FANK1: variants seen among roughly 807,000 people sequenced by gnomAD.
FANK1 encodes the protein fibronectin type 3 and ankyrin repeat domains protein 1.
Under a neutral mutation model 45.3 loss-of-function variants are expected in FANK1, and 44 were observed. That is an observed-to-expected ratio of 0.97 (90% CI 0.76 to 1.25). The LOEUF (loss-of-function observed/expected upper bound fraction) is 1.25, where lower values mean the gene tolerates loss of function less well. FANK1 is among the 50% of genes most tolerant of loss of function. The pLI, the probability that FANK1 is intolerant of heterozygous loss-of-function variation, is 0.00. For synonymous variants in FANK1, 149 were observed against 152.5 expected (o/e 0.98, Z 0.17); for missense variants, 391 against 424.4 (o/e 0.92, Z 0.69).
chr10:126,003,141 T>G (rs1242820331), intron 6 of FANK1, among the ~76,000 whole-genome samples: 2 of 151,922 alleles, frequency 1.3e-5, no homozygotes, highest in Admixed American at 6.6e-5. Flanking sequence ...AGTGACTCTT[T>G]GAGGAGAGCA....
intron 1 of FANK1, among the ~76,000 whole-genome samples, chr10:125,956,204 G>T (rs914369165): frequency 4.8e-5 from 7 of 146,180 alleles, no homozygotes; most frequent in African/African-American, 1.5e-4. Context: ...ACATTTTTTG[G>T]GGGGGGGGCG....
intron 1 of FANK1, among the ~76,000 whole-genome samples, chr10:125,915,315 A>C (rs1196022418): frequency 6.6e-6 from 1 of 152,208 alleles, no homozygotes; most frequent in East Asian, 1.9e-4. Context: ...TGTTACAACC[A>C]GTTCAAAAGG....
chr10:125,974,058 T>C (rs1307536925), intron 1 of FANK1, among the ~76,000 whole-genome samples: 1 of 152,258 alleles, frequency 6.6e-6, no homozygotes, highest in East Asian at 1.9e-4. Context: ...TTTATTTAGA[T>C]ACTTTGTAAC....
At position 125,983,866 on chromosome 10, in the gene FANK1, C is replaced by T. The variant is rs1951381080; in HGVS notation, c.191+3528C>T. On this transcript the variant is annotated intron_variant, in intron 2 of 10. Transcript: ENST00000368693. This position sits in a 1 kb window ranked among gnomAD's most constrained non-coding sequence, Gnocchi z 4.3. Reference sequence around the variant, plus strand: ...ATCCGGCTTATGTTTTACGAGGATCCCTCTGGCTGCTGAGTTGGGAACAGG... The same window carrying T: ...ATCCGGCTTATGTTTTACGAGGATCTCTCTGGCTGCTGAGTTGGGAACAGG... Among the ~76,000 whole-genome samples, 2 of 152,100 alleles carry T rather than the reference C, an allele frequency of 1.3e-5. No homozygotes were observed. Among genetic ancestry groups the T allele is most frequent in the Admixed American group, 6.6e-5 (1 of 15,266 alleles).
At chr10:125,965,253 C>T (rs532227751) in intron 1 of FANK1, among the ~76,000 whole-genome samples, 36 of 152,316 alleles carry the variant, frequency 2.4e-4, no homozygotes, top group African/African-American at 7.7e-4. Flanking sequence ...GAGTAGGTTT[C>T]ACTGGCAATC....
chr10:125,956,214 GGT>G (rs1949570062), intron 1 of FANK1, among the ~76,000 whole-genome samples: 1 of 128,746 alleles, frequency 7.8e-6, no homozygotes, highest in Non-Finnish European at 1.7e-5. Flanking sequence ...GGGGGGGGGC[GGT>G]GGTGGGGGTA....
chr10:125,991,043 G>A (rs1442121536), intron 3 of FANK1, among the ~76,000 whole-genome samples: 3 of 152,204 alleles, frequency 2.0e-5, no homozygotes, highest in Non-Finnish European at 4.4e-5. Flanking sequence ...AATTATGGGA[G>A]CTACAATTCA....
chr10:125,971,919 G>A (rs533867597), intron 1 of FANK1, among the ~76,000 whole-genome samples: 20 of 152,114 alleles, frequency 1.3e-4, no homozygotes, highest in Non-Finnish European at 2.2e-4. Context: ...GAGCCACTGC[G>A]CCCGGCCGCT....
chr10:125,997,524 T>G, intron 6 of FANK1, 39 bp downstream of exon 6: 1 of 1,587,406 alleles, frequency 6.3e-7, no homozygotes, highest in Non-Finnish European at 8.6e-7. Flanking sequence ...GCTGATGTTC[T>G]CAGAATTGTG....
intron 1 of FANK1, among the ~76,000 whole-genome samples, chr10:125,908,757 AT>A: frequency 6.6e-6 from 1 of 152,320 alleles, no homozygotes; most frequent in Admixed American, 6.5e-5. Context: ...GAAATAAAAA[AT>A]AAATTTAAAA....
At chr10:125,917,240 A>G (rs1465448048) in intron 1 of FANK1, among the ~76,000 whole-genome samples, 1 of 152,228 alleles carries the variant, frequency 6.6e-6, no homozygotes, top group African/African-American at 2.4e-5. Context: ...TACTTGAATC[A>G]GCGGAAGAAG....
intron 1 of FANK1, among the ~76,000 whole-genome samples, chr10:125,923,472 A>T (rs72837778): frequency 0.42 from 62,162 of 148,916 alleles, 12,759 homozygotes; most frequent in South Asian, 0.47. Flanking sequence ...AAAAAAAAAA[A>T]TTTTTTTCAT....
chr10:125,966,799 T>G (rs1590081963), intron 1 of FANK1, among the ~76,000 whole-genome samples: 1 of 152,204 alleles, frequency 6.6e-6, no homozygotes, highest in East Asian at 1.9e-4. Flanking sequence ...TAGCTGAATC[T>G]TTTTTCCATA....
chr10:125,925,945 T>C (rs1161859497), intron 1 of FANK1, among the ~76,000 whole-genome samples: 1 of 152,220 alleles, frequency 6.6e-6, no homozygotes, highest in African/African-American at 2.4e-5. Context: ...GTTTCTTTTT[T>C]TCCTTTCTTG....
chr10:125,982,056 T>G (rs1040227194), intron 2 of FANK1, among the ~76,000 whole-genome samples: 9 of 152,276 alleles, frequency 5.9e-5, no homozygotes, highest in African/African-American at 2.2e-4. Flanking sequence ...TTCTGACTAC[T>G]CAAATGTTAT....
intron 1 of FANK1, among the ~76,000 whole-genome samples, chr10:125,929,989 C>T (rs1947641222): frequency 6.6e-6 from 1 of 152,168 alleles, no homozygotes; most frequent in African/African-American, 2.4e-5. Context: ...TTTCCTGCCT[C>T]AGTATCAAGT....
At chr10:125,964,555 G>A (rs951846079) in intron 1 of FANK1, among the ~76,000 whole-genome samples, 2 of 151,956 alleles carry the variant, frequency 1.3e-5, no homozygotes, top group African/African-American at 2.4e-5. Flanking sequence ...CCTTACCCTC[G>A]ATTTATTCAC....
At chr10:125,978,954 G>A (rs902324912) in intron 1 of FANK1, among the ~76,000 whole-genome samples, 1 of 152,230 alleles carries the variant, frequency 6.6e-6, no homozygotes, top group Non-Finnish European at 1.5e-5. Flanking sequence ...AGGCTCCAGG[G>A]TCTCCACGCG....
At chr10:125,955,303 C>A (rs563842121) in intron 1 of FANK1, among the ~76,000 whole-genome samples, 1 of 152,022 alleles carries the variant, frequency 6.6e-6, no homozygotes, top group South Asian at 2.1e-4. Flanking sequence ...TGGTCCCCCC[C>A]ATGTGACCAT....
Sources: allele counts gnomAD v4.1 joint callset (sites outside exome capture counted in the v4.1 genomes callset), GRCh38; gene constraint gnomAD v4.1.1; non-coding constraint Gnocchi (gnomAD v3.1); transcripts MANE v1.5; gene names NCBI Gene and HGNC (gene_info 2026-07-23, HGNC 2026-07-21).